Variants in ASB3 observed in about 807,000 individuals in gnomAD.
ASB3 encodes ankyrin repeat and SOCS box protein 3.
Under a neutral mutation model 54.5 loss-of-function variants are expected in ASB3, and 41 were observed. That is an observed-to-expected ratio of 0.75 (90% CI 0.59 to 0.98). The LOEUF is 0.98. Among genes scored for constraint, ASB3 ranks in the 50% least tolerant of loss-of-function variants. The pLI is 0.00. For synonymous variants in ASB3, 266 were observed against 221.2 expected (o/e 1.20, Z -1.80); for missense variants, 733 against 620.0 (o/e 1.18, Z -1.94).
intron 9 of ASB3, among the ~76,000 whole-genome samples, chr2:53,676,161 A>G (rs115712828): frequency 4.6e-5 from 7 of 152,360 alleles, no homozygotes; most frequent in African/African-American, 1.7e-4. Context: ...TGTATAAACA[A>G]TAACTATGGT....
At chr2:53,714,179 G>C (rs957630161) in intron 7 of ASB3, among the ~76,000 whole-genome samples, 6 of 152,066 alleles carry the variant, frequency 3.9e-5, no homozygotes, top group African/African-American at 1.2e-4. Context: ...CAGATCCAAA[G>C]AAGGAAGGAA....
chr2:53,786,580 T>C (rs1396496618), intron 1 of ASB3: 1 of 152,098 alleles, frequency 6.6e-6, no homozygotes, highest in East Asian at 1.9e-4. Context: ...AAAAATGAAG[T>C]GTACAAATGC....
intron 5 of ASB3, among the ~76,000 whole-genome samples, chr2:53,728,019 C>T (rs1671104430): frequency 6.6e-6 from 1 of 151,802 alleles, no homozygotes; most frequent in African/African-American, 2.4e-5. Flanking sequence ...AGCAACCGTG[C>T]CTGGCCAAAA....
intron 9 of ASB3, among the ~76,000 whole-genome samples, chr2:53,690,618 C>T (rs1668862652): frequency 1.3e-5 from 2 of 148,402 alleles, no homozygotes. Context: ...AGCTCAGAGC[C>T]AAATGTACAG....
intron 5 of ASB3, among the ~76,000 whole-genome samples, chr2:53,727,027 T>C (rs969167267): frequency 6.6e-6 from 1 of 152,130 alleles, no homozygotes; most frequent in African/African-American, 2.4e-5. Context: ...TGAATTAGGA[T>C]AGTCCTCCGG....
intron 9 of ASB3, among the ~76,000 whole-genome samples, chr2:53,684,118 G>C (rs1668515631): frequency 6.6e-6 from 1 of 152,086 alleles, no homozygotes; most frequent in Admixed American, 6.5e-5. Flanking sequence ...ACCAGTGTCT[G>C]ATACACAGCT....
At chr2:53,753,364 G>T (rs533130401) in intron 2 of ASB3, among the ~76,000 whole-genome samples, 1 of 152,140 alleles carries the variant, frequency 6.6e-6, no homozygotes, top group Admixed American at 6.5e-5. Flanking sequence ...AGATCTGGGG[G>T]CCAGGTTTCT....
At chr2:53,689,816 T>C (rs887664257) in intron 9 of ASB3, among the ~76,000 whole-genome samples, 5 of 152,184 alleles carry the variant, frequency 3.3e-5, no homozygotes, top group Admixed American at 3.3e-4. Context: ...CTTTTGCTTC[T>C]ACTTTGAAGA....
At chr2:53,770,037 T>C (rs1233468974) in intron 1 of ASB3, among the ~76,000 whole-genome samples, 1 of 152,234 alleles carries the variant, frequency 6.6e-6, no homozygotes, top group Non-Finnish European at 1.5e-5. Context: ...ACAGTAGCTA[T>C]GCATAAATAA....
At chr2:53,715,888 T>TA (rs1411395692) in intron 6 of ASB3, among the ~76,000 whole-genome samples, 1 of 152,146 alleles carries the variant, frequency 6.6e-6, no homozygotes, top group Non-Finnish European at 1.5e-5. Flanking sequence ...ATAGCAGCTA[T>TA]AAAAAGTGCT....
Position 53,670,563 on chromosome 2 carries a change from G to C in ASB3, c.1497C>G (p.Leu499=). 27 of 1,613,906 alleles carry C rather than the reference G, an allele frequency of 1.7e-5. No individual in the cohort carries two copies. Among genetic ancestry groups the C allele is most frequent in the Non-Finnish European group, 2.3e-5 (27 of 1,179,962 alleles). The change falls in exon 10 of 10, where the codon CTC becomes CTG. Residue 499 remains leucine, a synonymous_variant. Coordinates refer to ENST00000263634, the MANE Select transcript of ASB3 (RefSeq NM_016115.5). ...PLPRSLHNYL[L]YEDVLRMYEV... is the part of the protein sequence containing the mutation. Reference sequence around the variant, plus strand: ...CATACATCCTCAGAACGTCTTCATAGAGCAAATAATTATGTAGGCTTCTGG... The same window carrying C: ...CATACATCCTCAGAACGTCTTCATACAGCAAATAATTATGTAGGCTTCTGG...
rs111600395 is a variant in ASB3, at chr2:53,700,941, T to C, written c.981-413A>G. Among the ~76,000 whole-genome samples the C allele has an allele frequency of 3.1e-3, 468 of 152,340 alleles. 3 individuals carry two copies. Among genetic ancestry groups the C allele is most frequent in the African/African-American group, 0.011 (450 of 41,584 alleles). On this transcript the variant is annotated intron_variant, in intron 7 of 9. Transcript: ENST00000263634. ...GGAATCTCTAAGATATCATTTTCCT[T>C]AGCAATAACCTTAGCCAATTTCCCT...
At chr2:53,718,984 G>A (rs574385152) in intron 5 of ASB3, among the ~76,000 whole-genome samples, 8 of 152,186 alleles carry the variant, frequency 5.3e-5, no homozygotes, top group Admixed American at 2.6e-4. Flanking sequence ...GCAATGGTGC[G>A]ATCTCGGCTT....
intron 5 of ASB3, among the ~76,000 whole-genome samples, chr2:53,718,698 A>G (rs1670530489): frequency 6.6e-6 from 1 of 151,976 alleles, no homozygotes; most frequent in Admixed American, 6.6e-5. Context: ...GTCTCTTCAG[A>G]TCATACAAAT....
intron 9 of ASB3, among the ~76,000 whole-genome samples, chr2:53,681,811 C>A (rs1330249362): frequency 6.6e-6 from 1 of 152,028 alleles, no homozygotes; most frequent in East Asian, 1.9e-4. Context: ...CAGTTTTGTT[C>A]TTTTTGCTCA....
chr2:53,772,495 G>C (rs1674013679), intron 1 of ASB3, among the ~76,000 whole-genome samples: 1 of 151,940 alleles, frequency 6.6e-6, no homozygotes, highest in Non-Finnish European at 1.5e-5. Flanking sequence ...TTAAAAACAA[G>C]TTTATTAACT....
chr2:53,727,035 C>A (rs1355202510), intron 5 of ASB3, among the ~76,000 whole-genome samples: 2 of 152,066 alleles, frequency 1.3e-5, no homozygotes, highest in Admixed American at 1.3e-4. Context: ...GATAGTCCTC[C>A]GGAAGGTATG....
chr2:53,744,503 T>A (rs79824856), intron 3 of ASB3, among the ~76,000 whole-genome samples: 3 of 151,950 alleles, frequency 2.0e-5, no homozygotes, highest in Non-Finnish European at 4.4e-5. Flanking sequence ...ATTAACACTT[T>A]TTAAATGTAA....
chr2:53,766,514 T>C (rs1468042075), intron 1 of ASB3, among the ~76,000 whole-genome samples: 1 of 152,218 alleles, frequency 6.6e-6, no homozygotes, highest in Admixed American at 6.5e-5. Flanking sequence ...AGGATGAATG[T>C]CCTTATTCTT....
Sources: gnomAD v4.1 joint callset for allele counts (sites outside exome capture counted in the v4.1 genomes callset) on GRCh38, gnomAD v4.1.1 for gene constraint, MANE v1.5 for transcripts, NCBI Gene and HGNC (gene_info 2026-07-23, HGNC 2026-07-21) for gene names.